The following PEAK1 variants were observed in gnomAD, a reference collection of about 807,000 sequenced individuals.
PEAK1 encodes the protein pseudopodium enriched atypical kinase 1.
PEAK1 carries 54 observed loss-of-function variants against 124.7 expected under a neutral mutation model. The ratio of observed to expected loss-of-function variants is 0.43; its 90% CI spans 0.35 to 0.54. PEAK1 has a LOEUF of 0.54. Ranked by LOEUF, PEAK1 falls within the 20% of genes least tolerant of loss-of-function variation. The pLI is 0.01. For synonymous variants in PEAK1, 719 were observed against 760.0 expected (o/e 0.95, Z 0.89); for missense variants, 2,046 against 2,134.5 (o/e 0.96, Z 0.82).
intron 8 of PEAK1, among the ~76,000 whole-genome samples, chr15:77,134,636 G>A (rs1367494498): frequency 1.3e-5 from 2 of 152,170 alleles, no homozygotes; most frequent in Non-Finnish European, 2.9e-5. Flanking sequence ...AGGGCTTATT[G>A]TATAACAGAG....
intron 6 of PEAK1, among the ~76,000 whole-genome samples, chr15:77,203,986 T>C (rs1296437270): frequency 6.6e-6 from 1 of 152,176 alleles, no homozygotes; most frequent in Non-Finnish European, 1.5e-5. Flanking sequence ...ACAAGCCACA[T>C]AGTGATACGA....
At chr15:77,127,859 C>A (rs2052519027) in intron 9 of PEAK1, among the ~76,000 whole-genome samples, 1 of 152,040 alleles carries the variant, frequency 6.6e-6, no homozygotes, top group Admixed American at 6.5e-5. Context: ...GCGGGTGGAT[C>A]ATCTGAGGTC....
chr15:77,370,751 G>A (rs2068578936), intron 1 of PEAK1: 65 of 984,554 alleles, frequency 6.6e-5, no homozygotes, highest in Admixed American at 1.2e-4. Flanking sequence ...AACACATCGA[G>A]CCAGGCACGG....
intron 7 of PEAK1, among the ~76,000 whole-genome samples, chr15:77,164,355 T>C (rs2055917498): frequency 4.6e-5 from 7 of 152,230 alleles, no homozygotes; most frequent in Admixed American, 3.9e-4. Flanking sequence ...ATTTCTAACA[T>C]AGTCTGGTCA....
chr15:77,275,145 C>T (rs1201494731), intron 5 of PEAK1, among the ~76,000 whole-genome samples: 7 of 152,016 alleles, frequency 4.6e-5, no homozygotes, highest in African/African-American at 1.7e-4. Context: ...AATGATACAA[C>T]GAACTTTGAG....
chr15:77,244,827 T>C (rs1341134104), intron 6 of PEAK1, among the ~76,000 whole-genome samples: 4 of 152,216 alleles, frequency 2.6e-5, no homozygotes, highest in African/African-American at 7.2e-5. Context: ...TGACCTCAAG[T>C]GATCCACCTG....
intron 3 of PEAK1, among the ~76,000 whole-genome samples, chr15:77,285,455 T>G (rs2062875582): frequency 6.6e-6 from 1 of 152,202 alleles, no homozygotes; most frequent in Admixed American, 6.5e-5. Flanking sequence ...CTCCACCCTC[T>G]ACTTCAATAA....
chr15:77,350,415 G>A (rs931571899), intron 2 of PEAK1: 5 of 985,306 alleles, frequency 5.1e-6, no homozygotes, highest in Non-Finnish European at 6.0e-6. Flanking sequence ...ACTGAATAGG[G>A]AACAGCCTGA....
intron 6 of PEAK1, among the ~76,000 whole-genome samples, chr15:77,203,889 AT>A (rs2058496611): frequency 6.6e-6 from 1 of 152,150 alleles, no homozygotes; most frequent in African/African-American, 2.4e-5. Context: ...CAAAGGCATG[AT>A]CCTTGACAGA....
At chr15:77,218,629 T>C (rs945918519) in intron 6 of PEAK1, among the ~76,000 whole-genome samples, 4 of 152,076 alleles carry the variant, frequency 2.6e-5, no homozygotes, top group African/African-American at 9.7e-5. Context: ...TGGAATACAG[T>C]GGTTATTCAC....
intron 1 of PEAK1, among the ~76,000 whole-genome samples, chr15:77,411,541 T>A (rs183951838): frequency 6.6e-6 from 1 of 152,214 alleles, no homozygotes; most frequent in African/African-American, 2.4e-5. Flanking sequence ...GGTGTTTAAA[T>A]ATAGCTGACA....
In PEAK1 at chr15:77,180,294, T is replaced by G. The variant is rs936958823; in HGVS notation, c.1633A>C (p.Ile545Leu). Reference protein sequence around the residue: ...WTSSTSPRQKIPKVELITSGT... With the variant: ...WTSSTSPRQKLPKVELITSGT... ...CTAGTAATTAGTTCTACTTTAGGTATCTTTTGTCGTGGACTGGTGCTAGAA... is the reference window on the plus strand; with the variant it reads ...CTAGTAATTAGTTCTACTTTAGGTAGCTTTTGTCGTGGACTGGTGCTAGAA... The change falls in exon 7 of 10, where the codon ATA becomes CTA. Residue 545 changes from isoleucine to leucine, a missense_variant. Transcript: ENST00000682557. The G allele has an allele frequency of 6.2e-7, 1 of 1,614,040 alleles. No homozygotes were observed. The highest frequency in any genetic ancestry group is 1.7e-5 in the Admixed American group (1 of 60,006).
intron 9 of PEAK1, among the ~76,000 whole-genome samples, chr15:77,117,571 G>A (rs1362353853): frequency 2.6e-5 from 4 of 152,062 alleles, no homozygotes; most frequent in Admixed American, 1.3e-4. Flanking sequence ...TTTGAGTCCC[G>A]ACAGCCACCT....
chr15:77,293,875 C>T (rs1231648162), intron 2 of PEAK1, among the ~76,000 whole-genome samples: 1 of 151,926 alleles, frequency 6.6e-6, no homozygotes, highest in African/African-American at 2.4e-5. Context: ...ATTTTATTTC[C>T]CCCCAAACAA....
At chr15:77,420,706 T>TG (rs1445357881), upstream of PEAK1, 4 of 394,816 alleles carry the variant, frequency 1.0e-5, no homozygotes, top group Admixed American at 1.8e-4. Context: ...TTCGCCGCAT[T>TG]GGGGCAAAAT....
chr15:77,267,802 GTTCT>G (rs927856481), intron 5 of PEAK1, among the ~76,000 whole-genome samples: 4 of 152,000 alleles, frequency 2.6e-5, no homozygotes, highest in African/African-American at 7.2e-5. Context: ...ACAAAACAAG[GTTCT>G]TTAACACCCC....
intron 6 of PEAK1, among the ~76,000 whole-genome samples, chr15:77,187,811 A>G (rs1440029853): frequency 6.6e-6 from 1 of 152,232 alleles, no homozygotes; most frequent in African/African-American, 2.4e-5. Flanking sequence ...CCCACATATT[A>G]GTCCATCTCC....
chr15:77,146,124 CA>C (rs879891809), intron 8 of PEAK1, among the ~76,000 whole-genome samples: 3 of 152,110 alleles, frequency 2.0e-5, no homozygotes, highest in Non-Finnish European at 4.4e-5. Context: ...GTTTATAAAC[CA>C]CACACCATCA....
intron 1 of PEAK1, among the ~76,000 whole-genome samples, chr15:77,373,149 A>G (rs1291903463): frequency 2.0e-5 from 3 of 152,194 alleles, no homozygotes; most frequent in Non-Finnish European, 2.9e-5. Context: ...GTCAGAGAAA[A>G]ACTTCATCCT....
Sources: gnomAD v4.1 joint callset for allele counts (sites outside exome capture counted in the v4.1 genomes callset) on GRCh38, gnomAD v4.1.1 for gene constraint, MANE v1.5 for transcripts, NCBI Gene and HGNC (gene_info 2026-07-23, HGNC 2026-07-21) for gene names.